The following ANO3 variants were observed in gnomAD, a reference collection of about 807,000 sequenced individuals.
ANO3 encodes the protein anoctamin 3.
In ANO3, 99 loss-of-function variants were observed where a neutral mutation model predicts 144.8. The ratio of observed to expected loss-of-function variants is 0.68; its 90% CI spans 0.58 to 0.81. The LOEUF is 0.81. Among genes scored for constraint, ANO3 ranks in the 30% least tolerant of loss-of-function variants. ANO3 has a pLI of 0.00. For synonymous variants in ANO3, 414 were observed against 392.6 expected, an observed-to-expected ratio of 1.05 and a Z score of -0.64; for missense variants, 905 against 1,202.2, an observed-to-expected ratio of 0.75 and a Z score of 3.66.
At chr11:26,207,916 C>T (rs1851841829) in intron 1 of ANO3, 2 of 152,028 alleles carry the variant, frequency 1.3e-5, no homozygotes, top group African/African-American at 4.8e-5. Flanking sequence ...CTTCAGGCTG[C>T]TATAAGAAAA....
chr11:26,247,395 A>G (rs947444136), intron 1 of ANO3, among the ~76,000 whole-genome samples: 1 of 152,336 alleles, frequency 6.6e-6, no homozygotes, highest in Admixed American at 6.5e-5. Flanking sequence ...CTGTATGTAC[A>G]TGAATCTATT....
intron 1 of ANO3, among the ~76,000 whole-genome samples, chr11:26,408,496 G>A (rs1022118711): frequency 1.7e-4 from 26 of 149,170 alleles, no homozygotes; most frequent in Admixed American, 1.4e-3. Flanking sequence ...AGAGGATGTG[G>A]AGAAATAGGA....
intron 1 of ANO3, among the ~76,000 whole-genome samples, chr11:26,205,526 A>G (rs1041083457): frequency 6.6e-5 from 10 of 152,154 alleles, no homozygotes; most frequent in Non-Finnish European, 1.2e-4. Flanking sequence ...ATAATTTGGG[A>G]CTAAAAGGTC....
At chr11:26,522,826 C>T (rs1034840340) in intron 6 of ANO3, among the ~76,000 whole-genome samples, 9 of 152,164 alleles carry the variant, frequency 5.9e-5, no homozygotes, top group East Asian at 1.9e-4. Context: ...TGATGCATAT[C>T]ATAGTCAATT....
At chr11:26,535,571 CTTTTTTTTTTTTTTTT>C (rs72278856) in intron 9 of ANO3, among the ~76,000 whole-genome samples, 1 of 58,570 alleles carries the variant, frequency 1.7e-5, no homozygotes, top group South Asian at 1.1e-3. Context: ...AAGACAGCCA[CTTTTTTTTTTTTTTTT>C]TTTTTTTTTT....
At chr11:26,450,490 G>A (rs550497497) in intron 3 of ANO3, among the ~76,000 whole-genome samples, 2 of 152,288 alleles carry the variant, frequency 1.3e-5, no homozygotes, top group South Asian at 4.2e-4. Flanking sequence ...CCTAACCACA[G>A]AGCAAGCCAT....
Position 26,647,809 on chromosome 11 carries a change from T to C in ANO3, c.2529T>C (p.Tyr843=). 6.2e-7 allele frequency: 1 copy of C among 1,613,626 alleles called. No homozygotes were observed. Among genetic ancestry groups the C allele is most frequent in the Non-Finnish European group, 8.5e-7 (1 of 1,179,700 alleles). ...CTGATTACATCCCACGTTTTGTTTA[T>C]GAATACAAATATGGCCCCTGTGCAA... ...ITSDYIPRFV[Y]EYKYGPCANH... is the part of the protein sequence containing the mutation. The change falls in exon 24 of 27, where the codon TAT becomes TAC. Residue 843 remains tyrosine (Y), a synonymous_variant. Coordinates refer to ENST00000256737, the MANE Select transcript of ANO3 (RefSeq NM_031418.4).
intron 1 of ANO3, among the ~76,000 whole-genome samples, chr11:26,198,364 A>G (rs1403574927): frequency 1.3e-5 from 2 of 152,136 alleles, no homozygotes; most frequent in Admixed American, 6.5e-5. Flanking sequence ...TGTAGCACCC[A>G]TGAGCTGTTT....
chr11:26,501,430 G>A (rs1167951257), intron 4 of ANO3, among the ~76,000 whole-genome samples: 1 of 152,168 alleles, frequency 6.6e-6, no homozygotes, highest in Non-Finnish European at 1.5e-5. Context: ...AAAAACTGTA[G>A]AGAAAAGGAG....
At chr11:26,376,825 T>G (rs1856425004) in intron 1 of ANO3, among the ~76,000 whole-genome samples, 1 of 152,180 alleles carries the variant, frequency 6.6e-6, no homozygotes, top group African/African-American at 2.4e-5. Flanking sequence ...ATTTTAACTG[T>G]GTTGTTGGGG....
rs765834017 is a variant in ANO3 at position 26,418,820 on chromosome 11, T to C, written c.47-23098T>C. 1.3e-4 allele frequency among the ~76,000 whole-genome samples: 19 copies of C among 151,942 alleles called. 1 individual carries two copies. The highest frequency in any genetic ancestry group is 6.6e-5 in the Admixed American group (1 of 15,216). On this transcript the variant is annotated intron_variant, in intron 1 of 26. Coordinates refer to ENST00000256737, the MANE Select transcript of ANO3 (RefSeq NM_031418.4). ...CAAAATAGGAGTAAATGAAGAGGCA[T>C]AGATTACAGGCACATGTTATAGGAT...
At chr11:26,604,984 T>A (rs1851897755) in intron 17 of ANO3, among the ~76,000 whole-genome samples, 2 of 152,178 alleles carry the variant, frequency 1.3e-5, no homozygotes, top group South Asian at 4.1e-4. Context: ...GGGCATCCTG[T>A]CTTGTATTGA....
intron 1 of ANO3, among the ~76,000 whole-genome samples, chr11:26,403,319 T>C (rs1289536951): frequency 6.6e-6 from 1 of 151,964 alleles, no homozygotes; most frequent in Non-Finnish European, 1.5e-5. Context: ...TATGGATTCA[T>C]TACTTCATTA....
intron 14 of ANO3, among the ~76,000 whole-genome samples, chr11:26,580,322 T>A (rs888236819): frequency 3.3e-5 from 5 of 152,184 alleles, no homozygotes; most frequent in African/African-American, 7.2e-5. Flanking sequence ...TAATTCTGTT[T>A]TTATTATTGA....
intron 1 of ANO3, among the ~76,000 whole-genome samples, chr11:26,355,383 G>A (rs1003148071): frequency 2.0e-5 from 3 of 151,830 alleles, no homozygotes; most frequent in Non-Finnish European, 2.9e-5. Flanking sequence ...CTGACTTCCA[G>A]CAGAAAAATT....
At chr11:26,336,948 T>C (rs1006928768) in intron 1 of ANO3, among the ~76,000 whole-genome samples, 7 of 152,218 alleles carry the variant, frequency 4.6e-5, no homozygotes, top group African/African-American at 1.7e-4. Flanking sequence ...CTTAGGCTGG[T>C]ACTGAATATC....
intron 1 of ANO3, among the ~76,000 whole-genome samples, chr11:26,239,936 T>A (rs1852624128): frequency 6.6e-6 from 1 of 152,216 alleles, no homozygotes; most frequent in African/African-American, 2.4e-5. Flanking sequence ...TATGTCTAAG[T>A]GGAGGAGAAG....
intron 1 of ANO3, among the ~76,000 whole-genome samples, chr11:26,383,789 T>A (rs4319470): frequency 0.93 from 141,847 of 152,064 alleles, 66,317 homozygotes; most frequent in East Asian, 1. Context: ...AAATGACAGT[T>A]AATAATTAGA....
chr11:26,599,812 C>A, intron 17 of ANO3, 98 bp downstream of exon 17: 2 of 1,018,912 alleles, frequency 2.0e-6, no homozygotes, highest in Admixed American at 3.0e-5. Context: ...TACATGGAGC[C>A]AAAATAAGAC....
Sources: gnomAD v4.1 joint callset for allele counts (sites outside exome capture counted in the v4.1 genomes callset) on GRCh38, gnomAD v4.1.1 for gene constraint, MANE v1.5 for transcripts, NCBI Gene and HGNC (gene_info 2026-07-23, HGNC 2026-07-21) for gene names.